EDAR: variants seen among roughly 807,000 people sequenced by gnomAD.
EDAR encodes the protein tumor necrosis factor receptor superfamily member EDAR.
A neutral mutation model predicts 51.3 loss-of-function variants in EDAR; 38 were observed. That is an observed-to-expected ratio of 0.74 (90% CI 0.57 to 0.97). EDAR has a LOEUF of 0.97. Among genes scored for constraint, EDAR ranks in the 50% least tolerant of loss-of-function variants. The pLI, the probability that EDAR is intolerant of heterozygous loss-of-function variation, is 0.00. For missense variants in EDAR, 528 were observed against 595.0 expected (o/e 0.89, Z 1.17); for synonymous variants, 227 against 242.1 (o/e 0.94, Z 0.58).
intron 1 of EDAR, among the ~76,000 whole-genome samples, chr2:108,934,713 ACT>A (rs1412277921): frequency 6.6e-6 from 1 of 152,004 alleles, no homozygotes; most frequent in African/African-American, 2.4e-5. Flanking sequence ...TAACCAGCCC[ACT>A]CTCGAGATAA....
rs571016790 is a variant in EDAR at position 108,907,862 on chromosome 2, C to T, written c.961G>A (p.Gly321Arg). 5.1e-5 allele frequency: 82 copies of T among 1,613,480 alleles called. No homozygotes were observed. The South Asian group carries it at 6.6e-4, about 13-fold the overall frequency. ...CATGGCACCTGCAGGAGCCTCACCCCGGCTGACTTGTTGCTGGTGGCAGAC... is the reference window on the plus strand; with the variant it reads ...CATGGCACCTGCAGGAGCCTCACCCTGGCTGACTTGTTGCTGGTGGCAGAC... The part of the protein sequence containing the change: ...EKSATSNKSA[G>R]IQSRRKKILD... The change falls in exon 10 of 12, where the codon GGG becomes AGG. Residue 321 changes from glycine (G) to arginine (R), a missense_variant and splice_region_variant. Transcript: ENST00000258443.
rs1696616253 is a variant in EDAR, at chr2:108,897,203, C to A, written c.1051G>T (p.Asp351Tyr). 1.2e-6 allele frequency: 2 copies of A among 1,613,748 alleles called. No individual in the cohort carries two copies. Among genetic ancestry groups the A allele is most frequent in the South Asian group, 1.1e-5 (1 of 91,060 alleles). The stretch of plus-strand genomic sequence containing the variant: ...ATTCGGCTAGTCTTCTCGAGGCAAT[C>A]AAATGGCAGCTCCGTGGGGCTAAGA... ...EGLSPTELPF[D>Y]CLEKTSRMLS... Residue 351 changes from aspartate (D) to tyrosine (Y), a missense_variant, in exon 12 of 12, where the codon GAT (aspartate) becomes TAT (tyrosine). Coordinates refer to ENST00000258443, the MANE Select transcript of EDAR (RefSeq NM_022336.4).
intron 9 of EDAR, 97 bp downstream of exon 9, chr2:108,910,363 C>A: frequency 1.0e-6 from 1 of 993,252 alleles, no homozygotes; most frequent in Non-Finnish European, 1.6e-6. Context: ...GTGTCCCAGG[C>A]TAGCCTGTCA....
At chr2:108,908,198 AC>A (rs1696849473) in intron 9 of EDAR, among the ~76,000 whole-genome samples, 179 bp from the exon 10 acceptor site, 2 of 152,136 alleles carry the variant, frequency 1.3e-5, no homozygotes, top group South Asian at 4.2e-4. Context: ...GACGAGACAT[AC>A]ACCGGTGGCT....
chr2:108,939,039 A>G (rs901783249), intron 1 of EDAR, among the ~76,000 whole-genome samples: 1 of 151,228 alleles, frequency 6.6e-6, no homozygotes, highest in Non-Finnish European at 1.5e-5. Flanking sequence ...CAGCCTCCCA[A>G]AGTGCTGGGA....
chr2:108,931,844 T>C (rs1288290272), intron 1 of EDAR, among the ~76,000 whole-genome samples: 1 of 152,184 alleles, frequency 6.6e-6, no homozygotes, highest in Non-Finnish European at 1.5e-5. Context: ...AGAGATAATG[T>C]GCTCTAGTGA....
rs531872674 is a variant in EDAR at position 108,971,812 on chromosome 2, C to T, written c.-19+17148G>A. ...AGCCTAATTCCTCTCCCTGTGTGAA[C>T]GGGCTGGATTTTAGTGACTCGTTTC... On this transcript the variant is annotated intron_variant, in intron 1 of 11. Transcript: ENST00000258443. 1.3e-4 allele frequency among the ~76,000 whole-genome samples: 20 copies of T among 152,290 alleles called. 1 individual carries two copies. The highest frequency in any genetic ancestry group is 3.4e-3 in the Middle Eastern group (1 of 294).
At chr2:108,980,290 G>A (rs1698397618) in intron 1 of EDAR, among the ~76,000 whole-genome samples, 1 of 152,074 alleles carries the variant, frequency 6.6e-6, no homozygotes, top group Non-Finnish European at 1.5e-5. Context: ...GCCCAGGTGA[G>A]TCACATCCCG....
chr2:108,940,725 G>A (rs1022514851), intron 1 of EDAR, among the ~76,000 whole-genome samples: 1 of 152,226 alleles, frequency 6.6e-6, no homozygotes, highest in East Asian at 1.9e-4. Flanking sequence ...GGGTCTGAAC[G>A]GGGCAGGCTT....
At chr2:108,982,436 G>A (rs924995948) in intron 1 of EDAR, among the ~76,000 whole-genome samples, 1 of 152,252 alleles carries the variant, frequency 6.6e-6, no homozygotes, top group African/African-American at 2.4e-5. Context: ...TTAAGAACTA[G>A]GGACATTGGC....
At chr2:108,929,452 T>C in intron 3 of EDAR, 73 bp from the exon 4 acceptor site, 1 of 1,504,138 alleles carries the variant, frequency 6.6e-7, no homozygotes, top group Non-Finnish European at 9.2e-7. Context: ...CCCACAGTCC[T>C]TGGGCAGTGA....
intron 11 of EDAR, among the ~76,000 whole-genome samples, chr2:108,900,133 C>A (rs1259125679): frequency 1.3e-5 from 2 of 152,126 alleles, no homozygotes; most frequent in African/African-American, 2.4e-5. Flanking sequence ...GAAATATGTT[C>A]AAGTGACCCA....
rs1386139626 is a variant in EDAR at position 108,894,525 on chromosome 2, A to AATT, written c.*2379_*2381dup. 3.3e-5 allele frequency: 5 copies of AATT among 152,706 alleles called. No individual in the cohort carries two copies. The highest frequency in any genetic ancestry group is 1.2e-4 in the African/African-American group (5 of 41,554). The allele number at this position is 152,706 out of a possible 1,614,324, so 9.5% of individuals were successfully genotyped here. A position where few individuals can be genotyped will look rare whatever the true frequency, so the allele number is the denominator to read the frequency against. ...AATATAATAAGTTATATATATACAG[A>AATT]ATTAGACAAAAATAATATTGACAAT... On this transcript the variant is annotated 3_prime_UTR_variant, in exon 12 of 12. Transcript: ENST00000258443.
At chr2:108,955,752 C>T (rs1028311457) in intron 1 of EDAR, among the ~76,000 whole-genome samples, 19 of 150,030 alleles carry the variant, frequency 1.3e-4, no homozygotes, top group Admixed American at 6.6e-4. Flanking sequence ...AGAGGTAGGG[C>T]GCGGTGGCTC....
intron 11 of EDAR, among the ~76,000 whole-genome samples, chr2:108,905,406 T>C (rs1696781989): frequency 6.6e-6 from 1 of 152,126 alleles, no homozygotes; most frequent in Non-Finnish European, 1.5e-5. Context: ...GATGCCACAT[T>C]TCAGCGGCAG....
At chr2:108,977,819 C>G (rs1306206244) in intron 1 of EDAR, among the ~76,000 whole-genome samples, 1 of 152,214 alleles carries the variant, frequency 6.6e-6, no homozygotes, top group African/African-American at 2.4e-5. Context: ...GAGCCGCACC[C>G]TCTTTTCTTG....
rs960574686 is a variant in EDAR at position 108,896,074 on chromosome 2, C to T, written c.*833G>A. On this transcript the variant is annotated 3_prime_UTR_variant, in exon 12 of 12. Coordinates refer to ENST00000258443, the MANE Select transcript of EDAR (RefSeq NM_022336.4). ...CCTAAGACTGAAGTGGAAGGCCATT[C>T]ACATGTAGTGCAGACCACAGGGTTC... 2 of 152,210 alleles carry T rather than the reference C, an allele frequency of 1.3e-5. No homozygotes were observed. Among genetic ancestry groups the T allele is most frequent in the African/African-American group, 4.8e-5 (2 of 41,452 alleles). The allele number at this position is 152,210 out of a possible 1,614,324, so 9.4% of individuals were successfully genotyped here. A position where few individuals can be genotyped will look rare whatever the true frequency, so the allele number is the denominator to read the frequency against.
At chr2:108,911,102 C>T (rs759449643) in intron 6 of EDAR, 30 bp from the exon 7 acceptor site, 5 of 1,613,764 alleles carry the variant, frequency 3.1e-6, no homozygotes, top group Admixed American at 1.7e-5. Context: ...ATGAATGACC[C>T]AGAGCTCAGG....
At chr2:108,918,105 G>T (rs1372230379) in intron 5 of EDAR, among the ~76,000 whole-genome samples, 3 of 152,198 alleles carry the variant, frequency 2.0e-5, no homozygotes, top group Non-Finnish European at 4.4e-5. Context: ...AAGGAAAAGA[G>T]AGCGGTCTGG....
Sources: gnomAD v4.1 joint callset for allele counts (sites outside exome capture counted in the v4.1 genomes callset) on GRCh38, gnomAD v4.1.1 for gene constraint, MANE v1.5 for transcripts, NCBI Gene and HGNC (gene_info 2026-07-23, HGNC 2026-07-21) for gene names.